Variants in CHDH observed in about 807,000 individuals in gnomAD.
CHDH encodes the protein choline dehydrogenase.
CHDH carries 43 observed loss-of-function variants against 56.9 expected under a neutral mutation model. The observed-to-expected ratio is 0.76, with a 90% CI of 0.59 to 0.97. The LOEUF is 0.97. Among genes scored for constraint, CHDH ranks in the 50% least tolerant of loss-of-function variants. The pLI is 0.00. For missense variants in CHDH, 816 were observed against 821.1 expected (o/e 0.99, Z 0.08); for synonymous variants, 364 against 348.5 (o/e 1.04, Z -0.50).
rs771522479 is a variant in CHDH, at chr3:53,822,539, G to A, written c.807C>T (p.Gly269=). Residue 269 remains glycine, a synonymous_variant, in exon 4 of 9, where the codon GGC becomes GGT. Transcript: ENST00000315251. ...CATACTCCACGCCCACTGCACGGGT[G>A]CCCTCAAATAGCACCCTGCTCACAA... is the stretch of plus-strand genomic sequence containing the variant. ...ETLVSRVLFE[G]TRAVGVEYVK... The A allele has an allele frequency of 4.3e-6, 7 of 1,613,572 alleles. No homozygotes were observed. In the African/African-American group the frequency reaches 8.0e-5, roughly 18 times the overall value.
At position 53,814,570 on chromosome 3, in the gene CHDH, CTG is replaced by C. The variant is rs889436221; in HGVS notation, c.*3205_*3206del. On this transcript the variant is annotated 3_prime_UTR_variant, in exon 9 of 9. Coordinates refer to ENST00000315251, the MANE Select transcript of CHDH (RefSeq NM_018397.5). ...AGATGGTATTTTATCTTTAAAAAAT[CTG>C]TATTGGATCTGATGTTAAGTTGGCT... 1.3e-5 allele frequency: 2 copies of C among 152,114 alleles called. No individual in the cohort carries two copies. The highest frequency in any genetic ancestry group is 4.8e-5 in the African/African-American group (2 of 41,420). The allele number at this position is 152,114 out of a possible 1,614,324, so 9.4% of individuals were successfully genotyped here.
intron 1 of CHDH, among the ~76,000 whole-genome samples, chr3:53,845,150 C>T (rs1297492157): frequency 6.6e-6 from 1 of 152,216 alleles, no homozygotes; most frequent in Non-Finnish European, 1.5e-5. Context: ...GGCAGGGGTG[C>T]GGCCACAACC....
At chr3:53,843,188 C>CTTTTTTTTTTTTTTTTTT (rs10636132) in intron 1 of CHDH, among the ~76,000 whole-genome samples, 1 of 125,186 alleles carries the variant, frequency 8.0e-6, no homozygotes, top group Non-Finnish European at 1.6e-5. Context: ...CCCCCCCCAC[C>CTTTTTTTTTTTTTTTTTT]TTTTTTTTTT....
chr3:53,827,180 G>C (rs1178065761), intron 2 of CHDH, among the ~76,000 whole-genome samples: 1 of 152,168 alleles, frequency 6.6e-6, no homozygotes. Context: ...TGTTGGAAGA[G>C]GTGACTGGAT....
In CHDH at chr3:53,826,098, C is replaced by T. The variant is rs532795659; in HGVS notation, c.-59-2031G>A. Among the ~76,000 whole-genome samples, 4 of 152,134 alleles carry T rather than the reference C, an allele frequency of 2.6e-5. No individual in the cohort carries two copies. The South Asian group carries it at 8.3e-4, about 32-fold the overall frequency. ...AAGCAGAAAGACACTCCAGATAAGC[C>T]TATATCTATTAAAGAAATTGAATCA... On this transcript the variant is annotated intron_variant, in intron 2 of 8. Coordinates refer to ENST00000315251, the MANE Select transcript of CHDH (RefSeq NM_018397.5).
intron 2 of CHDH, among the ~76,000 whole-genome samples, chr3:53,830,738 A>G (rs550861135): frequency 6.6e-6 from 1 of 152,346 alleles, no homozygotes; most frequent in South Asian, 2.1e-4. Flanking sequence ...AGGAGAGACC[A>G]TATGTTAGGC....
chr3:53,839,229 C>T (rs961160982), intron 2 of CHDH, among the ~76,000 whole-genome samples: 2 of 152,144 alleles, frequency 1.3e-5, no homozygotes, highest in African/African-American at 4.8e-5. Flanking sequence ...ACATCCTTGC[C>T]CAAAAGTTCA....
intron 2 of CHDH, among the ~76,000 whole-genome samples, chr3:53,839,747 A>T (rs1698614543): frequency 6.6e-6 from 1 of 152,246 alleles, no homozygotes. Context: ...TATATCAAAG[A>T]GATATCTGCA....
intron 1 of CHDH, chr3:53,844,742 C>T (rs544544236): frequency 3.3e-5 from 5 of 152,482 alleles, no homozygotes; most frequent in East Asian, 1.9e-4. Flanking sequence ...GAATGGCTGC[C>T]TGCTCGCTCG....
chr3:53,820,324 T>G, intron 6 of CHDH, 150 bp downstream of exon 6: 1 of 915,806 alleles, frequency 1.1e-6, no homozygotes, highest in South Asian at 2.0e-5. Context: ...CATCCCCATT[T>G]TGAAGATGGA....
chr3:53,832,749 A>G lies in CHDH; in HGVS notation c.-60+8180T>C, dbSNP rs1053508465. Among the ~76,000 whole-genome samples the G allele has an allele frequency of 4.6e-5, 7 of 152,348 alleles. No homozygotes were observed. In the East Asian group the frequency reaches 1.3e-3, roughly 29 times the overall value. On this transcript the variant is annotated intron_variant, in intron 2 of 8. Coordinates refer to ENST00000315251, the MANE Select transcript of CHDH (RefSeq NM_018397.5). ...GGAATAGGCAAATCCATAGAAACAG[A>G]AAATAGATTAGAGGTTACTAGGAGA...
chr3:53,840,296 G>A (rs1164429658), intron 2 of CHDH, among the ~76,000 whole-genome samples: 1 of 152,192 alleles, frequency 6.6e-6, no homozygotes, highest in Non-Finnish European at 1.5e-5. Flanking sequence ...AGAGGTGGAG[G>A]TGGGAGGACT....
rs1448924958 is a variant in CHDH, at chr3:53,823,062, T to C, written c.703+244A>G. ...TGTCCAGAGAGCTGATTCTCTGTTA[T>C]CCACACCAACAGGGGCCAGAGGTGC... On this transcript the variant is annotated intron_variant, in intron 3 of 8. Coordinates refer to ENST00000315251, the MANE Select transcript of CHDH (RefSeq NM_018397.5). Among the ~76,000 whole-genome samples, 6 of 152,116 alleles carry C rather than the reference T, an allele frequency of 3.9e-5. No individual in the cohort carries two copies. In the East Asian group the frequency reaches 1.2e-3, roughly 29 times the overall value.
chr3:53,825,227 A>G (rs1217780329), intron 2 of CHDH, among the ~76,000 whole-genome samples: 1 of 152,274 alleles, frequency 6.6e-6, no homozygotes, highest in East Asian at 1.9e-4. Flanking sequence ...CTAGCATTCA[A>G]TAAAAAATTA....
Position 53,823,755 on chromosome 3 carries a change from G to A in CHDH, c.254C>T (p.Ser85Leu), listed in dbSNP as rs866155788. ...KDVLAGSKRL[S>L]WKIHMPAALV... ...GGCCGCGGGCATGTGGATCTTCCAC[G>A]AGAGCCGCTTGCTCCCCGCGAGCAC... Residue 85 changes from serine (S) to leucine (L), a missense_variant, in exon 3 of 9, where the codon TCG becomes TTG. Ser to Leu is a moderately radical substitution (Grantham distance 145, BLOSUM62 -2). Coordinates refer to ENST00000315251, the MANE Select transcript of CHDH (RefSeq NM_018397.5). 6 of 1,559,012 alleles carry A rather than the reference G, an allele frequency of 3.8e-6. No homozygotes were observed. The highest frequency in any genetic ancestry group is 2.7e-5 in the African/African-American group (2 of 73,552).
In CHDH at chr3:53,846,093, T is replaced by C. The variant is rs971037862; in HGVS notation, c.-141A>G. ...TCCGCGGCTACTCACCCGGGGCGAC[T>C]CGGCCGAGAGCCCGACAGTCGGGAC... On this transcript the variant is annotated 5_prime_UTR_variant, in exon 1 of 9. Coordinates refer to ENST00000315251, the MANE Select transcript of CHDH (RefSeq NM_018397.5). 3 of 152,260 alleles carry C rather than the reference T, an allele frequency of 2.0e-5. No individual in the cohort carries two copies. The highest frequency in any genetic ancestry group is 7.2e-5 in the African/African-American group (3 of 41,406). 9.4% of individuals were successfully genotyped at this position (152,260 alleles called of 1,614,324 possible).
chr3:53,819,036 T>C lies in CHDH; in HGVS notation c.1268A>G (p.His423Arg), dbSNP rs1381561305. ...ACTCGTGCCCCGCATGGGCCCCACA[T>C]GTACCTAGAAGAACACAGAGGAAGC... The part of the protein sequence containing the change: ...VPTQQEAYQV[H>R]VGPMRGTSVG... The change falls in exon 8 of 9, where the codon CAT (histidine) becomes CGT (arginine). Residue 423 changes from histidine to arginine, a missense_variant. Coordinates refer to ENST00000315251, the MANE Select transcript of CHDH (RefSeq NM_018397.5). The surrounding 1 kb of genome is among the most constrained non-coding windows in gnomAD (Gnocchi z 5.4). 3.7e-6 allele frequency: 6 copies of C among 1,609,940 alleles called. No homozygotes were observed. Among genetic ancestry groups the C allele is most frequent in the East Asian group, 4.5e-5 (2 of 44,874 alleles).
chr3:53,844,126 G>A lies in CHDH; in HGVS notation c.-131+1957C>T, dbSNP rs552518676. ...AGCCCCAACTACGAAACTGAACCAG[G>A]TATCACCCCATCCCTAAGCCCCAGG... is the stretch of plus-strand genomic sequence containing the variant. On this transcript the variant is annotated intron_variant, in intron 1 of 8. Transcript: ENST00000315251. Among the ~76,000 whole-genome samples the A allele has an allele frequency of 1.5e-3, 221 of 152,228 alleles. 1 individual carries two copies. Among genetic ancestry groups the A allele is most frequent in the African/African-American group, 5.1e-3 (213 of 41,542 alleles).
intron 2 of CHDH, among the ~76,000 whole-genome samples, chr3:53,832,429 G>A (rs948805213): frequency 6.6e-6 from 1 of 152,176 alleles, no homozygotes; most frequent in African/African-American, 2.4e-5. Context: ...CTACTTGGGA[G>A]GCTGAGGCAG....
Sources: allele counts gnomAD v4.1 joint callset (sites outside exome capture counted in the v4.1 genomes callset), GRCh38; gene constraint gnomAD v4.1.1; non-coding constraint Gnocchi (gnomAD v3.1); transcripts MANE v1.5; gene names NCBI Gene and HGNC (gene_info 2026-07-23, HGNC 2026-07-21).